CAMK4: variants seen among roughly 807,000 people sequenced by gnomAD.
The protein encoded by CAMK4 is calcium/calmodulin dependent protein kinase IV.
In CAMK4, 22 loss-of-function variants were observed where a neutral mutation model predicts 44.9. The ratio of observed to expected loss-of-function variants is 0.49; its 90% CI spans 0.35 to 0.70. The LOEUF is 0.70. Among genes scored for constraint, CAMK4 ranks in the 30% least tolerant of loss-of-function variants. The probability of loss-of-function intolerance (pLI) is 0.01; values close to 1 mark genes in which losing one functional copy is unlikely to be tolerated. For synonymous variants in CAMK4, 218 were observed against 215.4 expected, an observed-to-expected ratio of 1.01 and a Z score of -0.11; for missense variants, 498 against 586.8, an observed-to-expected ratio of 0.85 and a Z score of 1.56.
chr5:111,383,911 A>G (rs1751504882), intron 4 of CAMK4, among the ~76,000 whole-genome samples: 1 of 152,178 alleles, frequency 6.6e-6, no homozygotes, highest in African/African-American at 2.4e-5. Flanking sequence ...AAGACTATAT[A>G]TGCTATGACT....
At chr5:111,457,713 A>G (rs900154137) in intron 7 of CAMK4, among the ~76,000 whole-genome samples, 60 of 152,350 alleles carry the variant, frequency 3.9e-4, no homozygotes, top group African/African-American at 1.3e-3. Context: ...TAAAAGAAAT[A>G]CATCTCATAA....
chr5:111,276,875 TTTCCA>T (rs1415182496), intron 1 of CAMK4, among the ~76,000 whole-genome samples: 1 of 152,204 alleles, frequency 6.6e-6, no homozygotes, highest in Non-Finnish European at 1.5e-5. Flanking sequence ...CTTGACCATC[TTTCCA>T]TTATCATTTA....
intron 5 of CAMK4, among the ~76,000 whole-genome samples, chr5:111,397,669 GTGTGTGTGTGTGTGTGTGTGTGTT>G (rs966155619): frequency 2.5e-4 from 33 of 129,768 alleles, no homozygotes; most frequent in African/African-American, 1.0e-3. Context: ...GTGTGTGTGT[GTGTGTGTGTGTGTGTGTGTGTGTT>G]TGCAGTTTAC....
chr5:111,356,650 G>T (rs546428830), intron 2 of CAMK4, among the ~76,000 whole-genome samples: 69 of 152,304 alleles, frequency 4.5e-4, no homozygotes, highest in Non-Finnish European at 8.7e-4. Flanking sequence ...TAACATGTAA[G>T]TCTTTTATCC....
intron 5 of CAMK4, among the ~76,000 whole-genome samples, chr5:111,396,194 T>C (rs462164): frequency 0.53 from 80,846 of 151,970 alleles, 22,136 homozygotes; most frequent in African/African-American, 0.67. Context: ...GAGCTATTAA[T>C]GCCAATTTTA....
intron 1 of CAMK4, among the ~76,000 whole-genome samples, chr5:111,257,141 A>T (rs1167103960): frequency 6.6e-6 from 1 of 152,224 alleles, no homozygotes; most frequent in Admixed American, 6.5e-5. Context: ...AAAAGCAAAG[A>T]TTGACAAATG....
intron 1 of CAMK4, among the ~76,000 whole-genome samples, chr5:111,331,241 A>G (rs531556720): frequency 1.4e-5 from 2 of 146,850 alleles, no homozygotes; most frequent in East Asian, 4.1e-4. Context: ...AAAAAACATA[A>G]AAATAATAAA....
intron 4 of CAMK4, among the ~76,000 whole-genome samples, chr5:111,383,802 C>A (rs306117): frequency 0.88 from 133,690 of 152,026 alleles, 58,998 homozygotes; most frequent in East Asian, 1. Context: ...CTGGAGAATG[C>A]ACAACCATTC....
intron 2 of CAMK4, among the ~76,000 whole-genome samples, chr5:111,350,079 T>C (rs972919395): frequency 6.6e-6 from 1 of 152,060 alleles, no homozygotes; most frequent in East Asian, 1.9e-4. Context: ...GAGTTTAGGA[T>C]TACTTCTGCT....
chr5:111,322,475 A>T (rs1187676015), intron 1 of CAMK4, among the ~76,000 whole-genome samples: 1 of 152,178 alleles, frequency 6.6e-6, no homozygotes, highest in Non-Finnish European at 1.5e-5. Flanking sequence ...ACTTGATAGG[A>T]TCAAAAGGAT....
chr5:111,340,103 T>C (rs1749577165), intron 1 of CAMK4, among the ~76,000 whole-genome samples: 2 of 151,208 alleles, frequency 1.3e-5, no homozygotes, highest in Non-Finnish European at 3.0e-5. Flanking sequence ...TCATTTATTA[T>C]TTCTAACTGT....
intron 2 of CAMK4, 101 bp from the exon 3 acceptor site, chr5:111,374,749 G>A (rs912597605): frequency 7.8e-5 from 57 of 735,450 alleles, no homozygotes; most frequent in African/African-American, 4.0e-4. Context: ...TAGGCTCTGC[G>A]AATTGCCTGA....
At chr5:111,234,787 T>C (rs183562658) in intron 1 of CAMK4, among the ~76,000 whole-genome samples, 6 of 152,312 alleles carry the variant, frequency 3.9e-5, no homozygotes, top group Admixed American at 3.3e-4. Context: ...GAGACCACCA[T>C]CTGATTGGAA....
chr5:111,237,850 T>G (rs909597008), intron 1 of CAMK4, among the ~76,000 whole-genome samples: 3 of 152,252 alleles, frequency 2.0e-5, no homozygotes, highest in African/African-American at 7.2e-5. Context: ...GTCTGTTCCA[T>G]GTCTATCTAT....
intron 1 of CAMK4, among the ~76,000 whole-genome samples, chr5:111,260,298 G>C (rs569293716): frequency 3.3e-5 from 5 of 152,106 alleles, no homozygotes; most frequent in Non-Finnish European, 7.4e-5. Context: ...CCTTACATTA[G>C]TCAATATCTT....
chr5:111,318,065 T>C (rs1488595031), intron 1 of CAMK4, among the ~76,000 whole-genome samples: 1 of 150,426 alleles, frequency 6.6e-6, no homozygotes, highest in African/African-American at 2.4e-5. Context: ...AATCCCTTTA[T>C]ACCTCAGCTT....
chr5:111,363,520 A>T lies in CAMK4; in HGVS notation c.241-11330A>T, dbSNP rs181409436. Reference sequence around the variant, plus strand: ...GCTCCGATGGAAGAAATAGATGATGAATTAGTAACTAAATGATAACATAGC... The same window carrying T: ...GCTCCGATGGAAGAAATAGATGATGTATTAGTAACTAAATGATAACATAGC... On this transcript the variant is annotated intron_variant, in intron 2 of 10. Coordinates refer to ENST00000282356, the MANE Select transcript of CAMK4 (RefSeq NM_001744.6). Among the ~76,000 whole-genome samples the T allele has an allele frequency of 3.3e-5, 5 of 152,214 alleles. No individual in the cohort carries two copies. In the East Asian group the frequency reaches 7.7e-4, roughly 24 times the overall value.
rs150244028 is a variant in CAMK4, at chr5:111,344,910, C to T, written c.240+808C>T. On this transcript the variant is annotated intron_variant, in intron 2 of 10. Transcript: ENST00000282356. ...CTTATGCAGTTTCTACTCATAAAAC[C>T]ACAAAAAGACAAGATATTCTTTTAT... Among the ~76,000 whole-genome samples, 288 of 151,788 alleles carry T rather than the reference C, an allele frequency of 1.9e-3. 1 individual carries two copies. The highest frequency in any genetic ancestry group is 6.6e-3 in the African/African-American group (273 of 41,440).
At chr5:111,375,046 C>T (rs1751163162) in intron 3 of CAMK4, 134 bp downstream of exon 3, 2 of 625,164 alleles carry the variant, frequency 3.2e-6, no homozygotes, top group East Asian at 2.8e-5. Flanking sequence ...AGCTCTTGTC[C>T]TCATCTCATC....
Sources: gnomAD v4.1 joint callset for allele counts (sites outside exome capture counted in the v4.1 genomes callset) on GRCh38, gnomAD v4.1.1 for gene constraint, MANE v1.5 for transcripts, NCBI Gene and HGNC (gene_info 2026-07-23, HGNC 2026-07-21) for gene names.